The following P2RX2 variants were observed in gnomAD, a reference collection of about 807,000 sequenced individuals.
P2RX2 encodes P2X purinoceptor 2.
P2RX2 carries 50 observed loss-of-function variants against 54.8 expected under a neutral mutation model. The ratio of observed to expected loss-of-function variants is 0.91; its 90% confidence interval spans 0.73 to 1.15. The LOEUF (loss-of-function observed/expected upper bound fraction) is 1.15, where lower values mean the gene tolerates loss of function less well. P2RX2 is among the 50% of genes most tolerant of loss of function. The pLI, the probability that P2RX2 is intolerant of heterozygous loss-of-function variation, is 0.00. For missense variants in P2RX2, 658 were observed against 633.2 expected (o/e 1.04, Z -0.42); for synonymous variants, 289 against 259.4 (o/e 1.11, Z -1.09).
In P2RX2 at chr12:132,618,935, G is replaced by T. The variant is rs2041492127; in HGVS notation, c.119G>T (p.Arg40Leu). The T allele has an allele frequency of 3.0e-6, 4 of 1,329,162 alleles. No individual in the cohort carries two copies. The highest frequency in any genetic ancestry group is 2.9e-6 in the Non-Finnish European group (3 of 1,031,676). 82.3% of individuals were successfully genotyped at this position (1,329,162 alleles called of 1,614,324 possible). A position where few individuals can be genotyped will look rare whatever the true frequency, so the allele number is the denominator to read the frequency against. Residue 40 changes from arginine to leucine, a missense_variant, in exon 1 of 11, where the codon CGC becomes CTC. Transcript: ENST00000643471. ...TPKVIVVRNR[R>L]LGVLYRAVQL... ...AAGGTGATCGTGGTGAGGAACCGGC[G>T]CCTGGGGGTCCTGTACCGCGCCGTG...
chr12:132,621,919 GAGCCTGCCCA>G lies in P2RX2; in HGVS notation c.1369_1378del (p.Ala457ProfsTer44). 6.2e-7 allele frequency: 1 copy of G among 1,613,724 alleles called. No homozygotes were observed. Among genetic ancestry groups the G allele is most frequent in the Non-Finnish European group, 8.5e-7 (1 of 1,180,018 alleles). ...GCAGATGGTGGACACTCCTGCCTCC[GAGCCTGCCCA>G]AGCCTCCACACCCACAGACCCCAAA... is the stretch of plus-strand genomic sequence containing the variant. On this transcript the variant is annotated frameshift_variant, in exon 11 of 11. Coordinates refer to ENST00000643471, the MANE Select transcript of P2RX2 (RefSeq NM_170682.4). LOFTEE classifies it high-confidence loss of function.
Position 132,619,998 on chromosome 12 carries a change from A to G in P2RX2, c.458-2A>G, listed in dbSNP as rs1421882287. On this transcript the variant is annotated splice_acceptor_variant, in intron 4 of 10. Transcript: ENST00000643471. LOFTEE classifies it high-confidence loss of function. ...AATGCCTCAGTGACCTCTGCCTCCC[A>G]GGCCTGAGGACTGGGCGCTGTGTGC... The G allele has an allele frequency of 1.3e-6, 2 of 1,582,896 alleles. No individual in the cohort carries two copies. Among genetic ancestry groups the G allele is most frequent in the Non-Finnish European group, 1.7e-6 (2 of 1,166,288 alleles).
At chr12:132,620,242 A>G in intron 5 of P2RX2, 25 bp from the exon 6 acceptor site, 2 of 1,603,914 alleles carry the variant, frequency 1.2e-6, no homozygotes, top group Non-Finnish European at 1.7e-6. Flanking sequence ...AGAGGGGACT[A>G]AACAACCCTT....
rs745592706 is a variant in P2RX2, at chr12:132,619,036, AGGGGCTG to A, written c.173+50_173+56del. On this transcript the variant is annotated intron_variant, in intron 1 of 10. Transcript: ENST00000643471. ...GGGCGCGGGGTGCGGGGCGCAGGGG[AGGGGCTG>A]GGATTGGGGGCGCTGGGCTGGAGGC... The A allele has an allele frequency of 1.6e-4, 139 of 868,164 alleles. 5 individuals are homozygous for A. Among genetic ancestry groups the A allele is most frequent in the Non-Finnish European group, 1.9e-4 (134 of 709,014 alleles). The allele number at this position is 868,164 out of a possible 1,614,324, so 53.8% of individuals were successfully genotyped here.
chr12:132,620,569 G>T lies in P2RX2; in HGVS notation c.760G>T (p.Glu254Ter). ...GGAGAAGGCTGGGGAGAGCTTCACA[G>T]AGCTCGCACACAAGGCAGGGCAAGC... ...IVEKAGESFT[E>*]LAHKGGVIGV... The change falls in exon 7 of 11, where the codon GAG (glutamate) becomes TAG (stop). Residue 254 changes from glutamate (E) to a stop codon, truncating the protein, a stop_gained. Coordinates refer to ENST00000643471, the MANE Select transcript of P2RX2 (RefSeq NM_170682.4). LOFTEE classifies it high-confidence loss of function. The T allele has an allele frequency of 6.2e-7, 1 of 1,613,246 alleles. No homozygotes were observed. The highest frequency in any genetic ancestry group is 1.1e-5 in the South Asian group (1 of 91,092).
In P2RX2 at chr12:132,619,009, C is replaced by T; in HGVS notation, c.173+20C>T. 1 of 1,043,990 alleles carries T rather than the reference C, an allele frequency of 9.6e-7. No individual in the cohort carries two copies. Among genetic ancestry groups the T allele is most frequent in the South Asian group, 4.1e-5 (1 of 24,562 alleles). The allele number at this position is 1,043,990 out of a possible 1,614,324, so 64.7% of individuals were successfully genotyped here. ...CGTGTGGTGCGCGGGGCGCGGGGTG[C>T]GGGGCGCGGGGTGCGGGGCGCAGGG... On this transcript the variant is annotated intron_variant, in intron 1 of 10. Transcript: ENST00000643471.
In P2RX2 at chr12:132,619,433, C is replaced by T; in HGVS notation, c.174-6C>T. ...CCTCCGGAGCCGGCGCCGCCCCTGC[C>T]CGCAGGTACGTATTCATCGTGCAGA... On this transcript the variant is annotated splice_polypyrimidine_tract_variant and splice_region_variant and intron_variant, in intron 1 of 10. Transcript: ENST00000643471. The T allele has an allele frequency of 2.5e-6, 4 of 1,611,696 alleles. No homozygotes were observed. Among genetic ancestry groups the T allele is most frequent in the Non-Finnish European group, 2.5e-6 (3 of 1,179,182 alleles).
chr12:132,622,027 C>A lies in P2RX2; in HGVS notation c.*55C>A. 2.5e-6 allele frequency: 4 copies of A among 1,608,492 alleles called. No homozygotes were observed. Among genetic ancestry groups the A allele is most frequent in the Non-Finnish European group, 3.4e-6 (4 of 1,177,876 alleles). On this transcript the variant is annotated 3_prime_UTR_variant, in exon 11 of 11. Transcript: ENST00000643471. ...CCGGCCTGGTGGGGCCAGAGAGTCCCCAGCTAGGGACCTGCACGTGGACGT... is the reference window on the plus strand; with the variant it reads ...CCGGCCTGGTGGGGCCAGAGAGTCCACAGCTAGGGACCTGCACGTGGACGT...
At position 132,620,468 on chromosome 12, in the gene P2RX2, A is replaced by G; in HGVS notation, c.659A>G (p.Asp220Gly). The G allele has an allele frequency of 6.2e-7, 1 of 1,614,036 alleles. No homozygotes were observed. The highest frequency in any genetic ancestry group is 1.3e-5 in the African/African-American group (1 of 75,056). ...AGGGGCAACATCGCCGACCGCACAG[A>G]CGGGTACCTGAAGCGCTGCACGTTC... Reference protein sequence around the residue: ...FSKGNIADRTDGYLKRCTFHE... With the variant: ...FSKGNIADRTGGYLKRCTFHE... Residue 220 changes from aspartate to glycine, a missense_variant, in exon 7 of 11, where the codon GAC (aspartate) becomes GGC (glycine). By Grantham distance (94) the Asp-to-Gly change is moderately conservative (BLOSUM62 -1). Transcript: ENST00000643471.
rs373455554 is a variant in P2RX2, at chr12:132,621,600, C to T, written c.1063-19C>T. On this transcript the variant is annotated intron_variant, in intron 10 of 10. Transcript: ENST00000643471. ...GGGGGTCCACCAGGCCCTTACACAC[C>T]GGTCTCTGCTGGCCCCAGGGCTCCT... is the stretch of plus-strand genomic sequence containing the variant. 2.3e-5 allele frequency: 37 copies of T among 1,611,598 alleles called. No homozygotes were observed. Among genetic ancestry groups the T allele is most frequent in the Middle Eastern group, 1.6e-4 (1 of 6,068 alleles).
rs200811971 is a variant in P2RX2 at position 132,619,435 on chromosome 12, G to T, written c.174-4G>T. The T allele has an allele frequency of 1.4e-3, 2,209 of 1,611,406 alleles. 26 individuals are homozygous for T. In the African/African-American group the frequency reaches 0.026, roughly 19 times the overall value. The stretch of plus-strand genomic sequence containing the variant: ...TCCGGAGCCGGCGCCGCCCCTGCCC[G>T]CAGGTACGTATTCATCGTGCAGAAA... On this transcript the variant is annotated splice_polypyrimidine_tract_variant and splice_region_variant and intron_variant, in intron 1 of 10. Transcript: ENST00000643471.
rs766030980 is a variant in P2RX2, at chr12:132,618,796, G to T, written c.-21G>T. 3.3e-6 allele frequency: 4 copies of T among 1,220,676 alleles called. No individual in the cohort carries two copies. In the East Asian group the frequency reaches 1.0e-4, roughly 32 times the overall value. The allele number at this position is 1,220,676 out of a possible 1,614,324, so 75.6% of individuals were successfully genotyped here. ...CCCTCAGCCCTGCAGCGCCTTCCTG[G>T]AGGTGGGGGCCGCCCGCGCCATGGC... On this transcript the variant is annotated 5_prime_UTR_variant, in exon 1 of 11. Transcript: ENST00000643471.
chr12:132,620,073 G>A lies in P2RX2; in HGVS notation c.531G>A (p.Pro177=), dbSNP rs748342537. The change falls in exon 5 of 11, where the codon CCG becomes CCA. Residue 177 remains proline, a synonymous_variant. Coordinates refer to ENST00000643471, the MANE Select transcript of P2RX2 (RefSeq NM_170682.4). ...SKTCEVFGWC[P]VEDGASVSQF... ...CCTGCGAGGTGTTCGGCTGGTGCCC[G>A]GTGGAAGATGGGGCCTCTGTCAGGT... is the stretch of plus-strand genomic sequence containing the variant. The A allele has an allele frequency of 2.5e-6, 4 of 1,584,454 alleles. No homozygotes were observed. The highest frequency in any genetic ancestry group is 1.8e-5 in the Admixed American group (1 of 55,470).
chr12:132,622,120 G>A lies in P2RX2; in HGVS notation c.*148G>A. The A allele has an allele frequency of 7.4e-6, 11 of 1,482,582 alleles. No individual in the cohort carries two copies. The highest frequency in any genetic ancestry group is 2.4e-5 in the East Asian group (1 of 42,034). 91.8% of individuals were successfully genotyped at this position (1,482,582 alleles called of 1,614,324 possible). A position where few individuals can be genotyped will look rare whatever the true frequency, so the allele number is the denominator to read the frequency against. On this transcript the variant is annotated 3_prime_UTR_variant, in exon 11 of 11. Coordinates refer to ENST00000643471, the MANE Select transcript of P2RX2 (RefSeq NM_170682.4). ...CAGGATCCCTGTGCAAGGGCTGGGG[G>A]CACGCTCTGGCCCCAGGCTTGTGCC... is the stretch of plus-strand genomic sequence containing the variant.
chr12:132,620,619 G>C (rs762784410), intron 7 of P2RX2, 36 bp downstream of exon 7: 1 of 1,600,134 alleles, frequency 6.2e-7, no homozygotes, highest in Non-Finnish European at 8.5e-7. Flanking sequence ...GCCAGGGTGG[G>C]CTCCCACCTG....
chr12:132,620,185 G>C, intron 5 of P2RX2, 82 bp from the exon 6 acceptor site: 1 of 1,494,648 alleles, frequency 6.7e-7, no homozygotes, highest in Non-Finnish European at 9.2e-7. Context: ...GGAGTGACAA[G>C]ATCTGGGGAG....
In P2RX2 at chr12:132,619,481, G is replaced by C; in HGVS notation, c.216G>C (p.Thr72=). The change falls in exon 2 of 11, where the codon ACG becomes ACC. Residue 72 remains threonine, a synonymous_variant. Transcript: ENST00000643471. The stretch of plus-strand genomic sequence containing the variant: ...AGAAAAGCTACCAGGAGAGCGAGAC[G>C]GGCCCCGAGAGCTCCATCATCACCA... ...IVQKSYQESE[T]GPESSIITKV... is the part of the protein sequence containing the mutation. The C allele has an allele frequency of 1.9e-6, 3 of 1,612,606 alleles. No homozygotes were observed. The highest frequency in any genetic ancestry group is 1.1e-5 in the South Asian group (1 of 91,078).
chr12:132,618,776 A>T lies in P2RX2; in HGVS notation c.-41A>T. 7.6e-6 allele frequency: 9 copies of T among 1,182,926 alleles called. No homozygotes were observed. The highest frequency in any genetic ancestry group is 9.5e-6 in the Non-Finnish European group (9 of 951,318). The allele number at this position is 1,182,926 out of a possible 1,614,324, so 73.3% of individuals were successfully genotyped here. On this transcript the variant is annotated 5_prime_UTR_variant, in exon 1 of 11. Transcript: ENST00000643471. Reference sequence around the variant, plus strand: ...TCGGTGCGCAGCGGGGCCGACCCTCAGCCCTGCAGCGCCTTCCTGGAGGTG... The same window carrying T: ...TCGGTGCGCAGCGGGGCCGACCCTCTGCCCTGCAGCGCCTTCCTGGAGGTG...
chr12:132,621,762 C>A lies in P2RX2; in HGVS notation c.1206C>A (p.Ala402=), dbSNP rs1395413963. The change falls in exon 11 of 11, where the codon GCC becomes GCA. Residue 402 remains alanine (A), a synonymous_variant. Transcript: ENST00000643471. ...CCCTTGCCCGTGTATTGGGCCAGGCCCCTCCCGAACCCGGCCACCGCTCCG... is the reference window on the plus strand; with the variant it reads ...CCCTTGCCCGTGTATTGGGCCAGGCACCTCCCGAACCCGGCCACCGCTCCG... ...PVTLARVLGQ[A]PPEPGHRSED... 1 of 1,601,200 alleles carries A rather than the reference C, an allele frequency of 6.2e-7. No individual in the cohort carries two copies. The highest frequency in any genetic ancestry group is 1.1e-5 in the South Asian group (1 of 89,212).
Sources: gnomAD v4.1 joint callset for allele counts on GRCh38, gnomAD v4.1.1 for gene constraint, MANE v1.5 for transcripts, NCBI Gene and HGNC (gene_info 2026-07-23, HGNC 2026-07-21) for gene names.